The following CPNE2 variants were observed in gnomAD, a reference collection of about 807,000 sequenced individuals.
CPNE2 encodes the protein copine 2.
A neutral mutation model predicts 69.7 loss-of-function variants in CPNE2; 42 were observed. That is an observed-to-expected ratio of 0.60 (90% CI 0.47 to 0.78). The LOEUF (loss-of-function observed/expected upper bound fraction) is 0.78. Among genes scored for constraint, CPNE2 ranks in the 30% least tolerant of loss-of-function variants. The pLI is 0.00. For missense variants in CPNE2, 587 were observed against 732.0 expected (o/e 0.80, Z 2.29); for synonymous variants, 294 against 289.8 (o/e 1.01, Z -0.15).
chr16:57,144,784 C>T (rs1228369255), intron 14 of CPNE2: 1 of 152,182 alleles, frequency 6.6e-6, no homozygotes, highest in African/African-American at 2.4e-5. Context: ...CCCAACTCTA[C>T]TGAAAATACA....
intron 1 of CPNE2, among the ~76,000 whole-genome samples, chr16:57,093,654 T>A (rs2069559404): frequency 6.6e-6 from 1 of 151,998 alleles, no homozygotes; most frequent in South Asian, 2.1e-4. Context: ...TGCATCTGAA[T>A]CCCCTGCCCC....
At chr16:57,126,757 T>C (rs1224530922) in intron 11 of CPNE2, among the ~76,000 whole-genome samples, 6 of 152,144 alleles carry the variant, frequency 3.9e-5, no homozygotes, top group Non-Finnish European at 8.8e-5. Flanking sequence ...CAGGGATCTG[T>C]ACAACATGCA....
intron 1 of CPNE2, among the ~76,000 whole-genome samples, chr16:57,106,359 C>A (rs2069648801): frequency 6.6e-6 from 1 of 152,162 alleles, no homozygotes; most frequent in Admixed American, 6.5e-5. Context: ...CTCAGTCAGG[C>A]TGGAGGGAGG....
chr16:57,134,297 C>T (rs542252542), intron 12 of CPNE2, among the ~76,000 whole-genome samples: 1 of 152,292 alleles, frequency 6.6e-6, no homozygotes, highest in East Asian at 1.9e-4. Flanking sequence ...AGCTCACCCC[C>T]GTTTGGCTGT....
chr16:57,100,404 G>C (rs1178849675), intron 1 of CPNE2, among the ~76,000 whole-genome samples: 2 of 152,244 alleles, frequency 1.3e-5, no homozygotes, highest in Admixed American at 1.3e-4. Flanking sequence ...AGGGAACCTG[G>C]ATGTTGTCCT....
Position 57,146,444 on chromosome 16 carries a change from T to C in CPNE2, c.1539+123T>C. On this transcript the variant is annotated intron_variant, in intron 15 of 15. Transcript: ENST00000290776. The surrounding 1 kb of genome is among the most constrained non-coding windows in gnomAD (Gnocchi z 4.4). ...CTAGACTTCTCCACTCCATTGACTA[T>C]GCTCTTCTGAGGGCCTGCCATGTGC... is the stretch of plus-strand genomic sequence containing the variant. 2 of 868,938 alleles carry C rather than the reference T, an allele frequency of 2.3e-6. No homozygotes were observed. The highest frequency in any genetic ancestry group is 1.8e-6 in the Non-Finnish European group (1 of 571,262). The allele number at this position is 868,938 out of a possible 1,614,324, so 53.8% of individuals were successfully genotyped here.
chr16:57,146,516 G>C lies in CPNE2; in HGVS notation c.1539+195G>C, dbSNP rs1460739807. ...CCCCGGTGGTGGCCATTGTGATAGTGTGAGCACTTGCTTCCACAAACTGAT... is the reference window on the plus strand; with the variant it reads ...CCCCGGTGGTGGCCATTGTGATAGTCTGAGCACTTGCTTCCACAAACTGAT... On this transcript the variant is annotated intron_variant, in intron 15 of 15. Coordinates refer to ENST00000290776, the MANE Select transcript of CPNE2 (RefSeq NM_152727.6). This position sits in a 1 kb window ranked among gnomAD's most constrained non-coding sequence, Gnocchi z 4.4. The C allele has an allele frequency of 1.0e-5, 6 of 586,704 alleles. No homozygotes were observed. Among genetic ancestry groups the C allele is most frequent in the Non-Finnish European group, 1.5e-5 (5 of 330,700 alleles). 36.3% of individuals were successfully genotyped at this position (586,704 alleles called of 1,614,324 possible).
intron 1 of CPNE2, among the ~76,000 whole-genome samples, chr16:57,102,830 G>A (rs547510092): frequency 3.3e-5 from 5 of 151,938 alleles, no homozygotes; most frequent in South Asian, 2.1e-4. Flanking sequence ...TTGAGCTCCC[G>A]ACTTCGGATG....
chr16:57,119,786 G>T (rs987875866), intron 7 of CPNE2, 136 bp downstream of exon 7: 6 of 613,848 alleles, frequency 9.8e-6, no homozygotes, highest in Non-Finnish European at 1.7e-5. Flanking sequence ...GAGGAGGGAG[G>T]ACTGGAGACT....
At chr16:57,123,571 G>A in intron 10 of CPNE2, 98 bp downstream of exon 10, 1 of 1,344,174 alleles carries the variant, frequency 7.4e-7, no homozygotes, top group Non-Finnish European at 1.1e-6. Context: ...ACTTAGGGTA[G>A]ACTTCAGGAA....
chr16:57,129,221 C>A (rs1399756747), intron 12 of CPNE2: 1 of 152,410 alleles, frequency 6.6e-6, no homozygotes, highest in Non-Finnish European at 1.5e-5. Context: ...GCCACGGGGA[C>A]CCCTGCAGGG....
At chr16:57,096,862 C>T (rs2069581183) in intron 1 of CPNE2, among the ~76,000 whole-genome samples, 2 of 152,128 alleles carry the variant, frequency 1.3e-5, no homozygotes, top group Non-Finnish European at 2.9e-5. Context: ...GACACAAAAG[C>T]CTGCAGGGAT....
chr16:57,138,102 G>A (rs150087924), intron 14 of CPNE2, among the ~76,000 whole-genome samples: 224 of 152,256 alleles, frequency 1.5e-3, no homozygotes, highest in African/African-American at 5.3e-3. Flanking sequence ...CTCCAGCGCC[G>A]TGACGGGGAA....
chr16:57,123,294 C>T (rs2305696), intron 9 of CPNE2, 120 bp from the exon 10 acceptor site: 436,498 of 936,368 alleles, frequency 0.47, 105,207 homozygotes, highest in Admixed American at 0.62. Context: ...TTAGATCAGG[C>T]CCATCAGCTT....
intron 6 of CPNE2, 129 bp from the exon 7 acceptor site, chr16:57,119,432 C>T (rs969493788): frequency 4.6e-5 from 51 of 1,111,754 alleles, no homozygotes; most frequent in African/African-American, 1.4e-4. Flanking sequence ...GCCACAGGGA[C>T]GCTCACTTCT....
chr16:57,102,398 A>G (rs558760618), intron 1 of CPNE2, among the ~76,000 whole-genome samples: 290 of 152,182 alleles, frequency 1.9e-3, no homozygotes, highest in African/African-American at 6.6e-3. Flanking sequence ...AAGGACTTGG[A>G]GGCCCTGAGG....
intron 2 of CPNE2, among the ~76,000 whole-genome samples, chr16:57,111,547 A>G (rs1417292302): frequency 6.6e-6 from 1 of 152,208 alleles, no homozygotes; most frequent in African/African-American, 2.4e-5. Flanking sequence ...CTTTTAAATA[A>G]CCTTTCTAAA....
chr16:57,113,528 T>G (rs1199929203), intron 3 of CPNE2, 61 bp downstream of exon 3: 1 of 1,525,212 alleles, frequency 6.6e-7, no homozygotes, highest in East Asian at 2.3e-5. Context: ...CCTCAAAAAG[T>G]CTCTTCTCGT....
chr16:57,115,874 C>CA (rs1367293850), intron 4 of CPNE2, among the ~76,000 whole-genome samples: 2 of 152,242 alleles, frequency 1.3e-5, no homozygotes, highest in Non-Finnish European at 2.9e-5. Context: ...ATGATTCCTG[C>CA]AATGCGCAAC....
Sources: allele counts gnomAD v4.1 joint callset (sites outside exome capture counted in the v4.1 genomes callset), GRCh38; gene constraint gnomAD v4.1.1; non-coding constraint Gnocchi (gnomAD v3.1); transcripts MANE v1.5; gene names NCBI Gene and HGNC (gene_info 2026-07-23, HGNC 2026-07-21).